Variants in STAB2 observed in about 807,000 individuals in gnomAD.
STAB2 encodes stabilin-2.
Under a neutral mutation model 338.1 loss-of-function variants are expected in STAB2, and 288 were observed. The observed-to-expected ratio is 0.85, with a 90% CI of 0.77 to 0.94. STAB2 has a LOEUF of 0.94. Among genes scored for constraint, STAB2 ranks in the 40% least tolerant of loss-of-function variants. STAB2 has a pLI of 0.00. For synonymous variants in STAB2, 1,202 were observed against 1,193.3 expected, an observed-to-expected ratio of 1.01 and a Z score of -0.15; for missense variants, 3,141 against 3,210.1, an observed-to-expected ratio of 0.98 and a Z score of 0.52.
intron 11 of STAB2, among the ~76,000 whole-genome samples, chr12:103,652,193 C>T (rs1426109576): frequency 6.6e-6 from 1 of 152,234 alleles, no homozygotes; most frequent in Non-Finnish European, 1.5e-5. Flanking sequence ...TTATTCCCAT[C>T]TGCTTTCCAT....
chr12:103,700,025 T>C lies in STAB2; in HGVS notation c.3714+798T>C, dbSNP rs561495930. Among the ~76,000 whole-genome samples, 139 of 152,326 alleles carry C rather than the reference T, an allele frequency of 9.1e-4. 1 individual carries two copies. Among genetic ancestry groups the C allele is most frequent in the African/African-American group, 3.3e-3 (136 of 41,558 alleles). On this transcript the variant is annotated intron_variant, in intron 34 of 68. Transcript: ENST00000388887. ...CCAGCAGCCAAGTGTATTAATGTTA[T>C]TATCATTGTATAACCATAGAGATAG...
chr12:103,608,901 A>T (rs1043566792), intron 3 of STAB2, among the ~76,000 whole-genome samples: 1 of 152,232 alleles, frequency 6.6e-6, no homozygotes, highest in South Asian at 2.1e-4. Context: ...AGCTTTCTAC[A>T]TACGGCTAGC....
intron 15 of STAB2, among the ~76,000 whole-genome samples, chr12:103,656,061 C>T (rs779447504): frequency 6.6e-6 from 1 of 152,210 alleles, no homozygotes; most frequent in Non-Finnish European, 1.5e-5. Flanking sequence ...TCTTTCTCCA[C>T]CATGGGCTTT....
intron 29 of STAB2, 21 bp from the exon 30 acceptor site, chr12:103,690,403 C>T (rs1241908592): frequency 6.3e-7 from 1 of 1,580,590 alleles, no homozygotes. Context: ...GAATTATAGC[C>T]TTTGTGGACT....
chr12:103,635,687 A>G lies in STAB2; in HGVS notation c.584-1424A>G, dbSNP rs868315565. On this transcript the variant is annotated intron_variant, in intron 6 of 68. Transcript: ENST00000388887. ...TGGACACATCCCCTGAATCCCACAC[A>G]GCTGGTCTGGAGCTGCCCAGGCCTG... is the stretch of plus-strand genomic sequence containing the variant. Among the ~76,000 whole-genome samples, 47 of 152,304 alleles carry G rather than the reference A, an allele frequency of 3.1e-4. 1 individual carries two copies. Among genetic ancestry groups the G allele is most frequent in the South Asian group, 1.9e-3 (9 of 4,832 alleles).
rs979407395 is a variant in STAB2, at chr12:103,734,397, A to G, written c.5461-1094A>G. On this transcript the variant is annotated intron_variant, in intron 51 of 68. Transcript: ENST00000388887. Reference sequence around the variant, plus strand: ...CGATCATATAGGAGCAAGCACAATCATATGGGAGCAAGCATGATCACATGG... The same window carrying G: ...CGATCATATAGGAGCAAGCACAATCGTATGGGAGCAAGCATGATCACATGG... 1.8e-4 allele frequency among the ~76,000 whole-genome samples: 27 copies of G among 151,574 alleles called. 1 individual carries two copies. The highest frequency in any genetic ancestry group is 6.5e-4 in the African/African-American group (27 of 41,238).
chr12:103,738,030 T>C (rs990271449), intron 53 of STAB2, among the ~76,000 whole-genome samples: 7 of 152,162 alleles, frequency 4.6e-5, no homozygotes, highest in Admixed American at 6.5e-5. Flanking sequence ...TCCCTTATCA[T>C]TGAGAAAACA....
In STAB2 at chr12:103,677,494, G is replaced by C; in HGVS notation, c.2688G>C (p.Val896=). 1 of 1,614,032 alleles carries C rather than the reference G, an allele frequency of 6.2e-7. No homozygotes were observed. Among genetic ancestry groups the C allele is most frequent in the Non-Finnish European group, 8.5e-7 (1 of 1,179,862 alleles). ...CTGGCACGGGCACCCACACCTGCGT[G>C]TGTCAGCAGGGTTGGACAGGGAATG... is the stretch of plus-strand genomic sequence containing the variant. ...IKTGTGTHTC[V]CQQGWTGNGR... is the part of the protein sequence containing the mutation. The change falls in exon 25 of 69, where the codon GTG becomes GTC. Residue 896 remains valine, a synonymous_variant. Coordinates refer to ENST00000388887, the MANE Select transcript of STAB2 (RefSeq NM_017564.10).
At chr12:103,627,664 G>T (rs1213263999) in intron 5 of STAB2, among the ~76,000 whole-genome samples, 1 of 152,244 alleles carries the variant, frequency 6.6e-6, no homozygotes, top group East Asian at 1.9e-4. Context: ...AGTCAATCCA[G>T]TATAGAGGCT....
chr12:103,752,637 T>A (rs1883766681), intron 60 of STAB2, among the ~76,000 whole-genome samples: 1 of 152,164 alleles, frequency 6.6e-6, no homozygotes, highest in Non-Finnish European at 1.5e-5. Context: ...GGGCAGAAAC[T>A]CACTTTAATG....
At chr12:103,757,321 C>T (rs1884206852) in intron 63 of STAB2, among the ~76,000 whole-genome samples, 1 of 152,144 alleles carries the variant, frequency 6.6e-6, no homozygotes, top group African/African-American at 2.4e-5. Flanking sequence ...CTCCTGTGCT[C>T]AAGCTGCTCT....
intron 6 of STAB2, among the ~76,000 whole-genome samples, chr12:103,635,769 C>T (rs1022777979): frequency 1.3e-5 from 2 of 152,176 alleles, no homozygotes; most frequent in African/African-American, 4.8e-5. Context: ...CTGCTGCTGC[C>T]AGCAGCGCCC....
intron 3 of STAB2, among the ~76,000 whole-genome samples, chr12:103,605,759 T>A (rs952199071): frequency 6.6e-6 from 1 of 152,052 alleles, no homozygotes; most frequent in African/African-American, 2.4e-5. Flanking sequence ...TGAAATCTAC[T>A]TCATCTAATA....
Position 103,730,211 on chromosome 12 carries a change from C to T in STAB2, c.5178C>T (p.Pro1726=). ...ATATCATAGACAAATTGCTATCTCCCAAAAATTTGCTTATCACTCCCAAAG... is the reference window on the plus strand; with the variant it reads ...ATATCATAGACAAATTGCTATCTCCTAAAAATTTGCTTATCACTCCCAAAG... ...IVHIIDKLLS[P]KNLLITPKDN... Residue 1726 remains proline, a synonymous_variant, in exon 49 of 69, where the codon CCC becomes CCT. Coordinates refer to ENST00000388887, the MANE Select transcript of STAB2 (RefSeq NM_017564.10). The T allele has an allele frequency of 6.2e-7, 1 of 1,613,580 alleles. No homozygotes were observed. The highest frequency in any genetic ancestry group is 8.5e-7 in the Non-Finnish European group (1 of 1,179,776).
intron 40 of STAB2, 79 bp downstream of exon 40, chr12:103,711,595 C>T (rs1435418478): frequency 1.3e-6 from 2 of 1,509,552 alleles, no homozygotes; most frequent in African/African-American, 1.4e-5. Context: ...TCTCTATCCT[C>T]AGGGGATTTG....
At chr12:103,698,764 C>G (rs534947734) in intron 33 of STAB2, among the ~76,000 whole-genome samples, 2 of 152,132 alleles carry the variant, frequency 1.3e-5, no homozygotes, top group African/African-American at 4.8e-5. Flanking sequence ...GAAAGGCAGG[C>G]TGGGGTGTGG....
At chr12:103,708,668 C>A in intron 39 of STAB2, 132 bp downstream of exon 39, 8 of 818,894 alleles carry the variant, frequency 9.8e-6, no homozygotes, top group East Asian at 2.7e-5. Context: ...TTTCTTGCAG[C>A]AAAAAGTTTG....
intron 6 of STAB2, among the ~76,000 whole-genome samples, chr12:103,633,453 C>T (rs1307657315): frequency 1.3e-5 from 2 of 152,152 alleles, no homozygotes; most frequent in East Asian, 1.9e-4. Context: ...GAGGCCGAGG[C>T]GGGTGGATCA....
intron 6 of STAB2, among the ~76,000 whole-genome samples, chr12:103,632,778 G>C (rs1297253126): frequency 6.6e-6 from 1 of 152,134 alleles, no homozygotes; most frequent in Admixed American, 6.5e-5. Flanking sequence ...TGTCCCGCCA[G>C]CGCCCTCTAC....
Sources: allele counts gnomAD v4.1 joint callset (sites outside exome capture counted in the v4.1 genomes callset), GRCh38; gene constraint gnomAD v4.1.1; transcripts MANE v1.5; gene names NCBI Gene and HGNC (gene_info 2026-07-23, HGNC 2026-07-21).